Variants in ERC2 observed in about 807,000 individuals in gnomAD.
The protein encoded by ERC2 is ELKS/RAB6-interacting/CAST family member 2, also known as ERC protein 2.
Under a neutral mutation model 114.8 loss-of-function variants are expected in ERC2, and 42 were observed. The ratio of observed to expected loss-of-function variants is 0.37; its 90% CI spans 0.29 to 0.47. The LOEUF is 0.47. ERC2 is among the 20% of genes least tolerant of loss of function. The probability of loss-of-function intolerance (pLI) is 0.99; values close to 1 mark genes in which losing one functional copy is unlikely to be tolerated. For missense variants in ERC2, 939 were observed against 1,150.7 expected, an observed-to-expected ratio of 0.82 and a Z score of 2.66; for synonymous variants, 454 against 425.5, an observed-to-expected ratio of 1.07 and a Z score of -0.82.
At chr3:56,021,961 C>A (rs184568810) in intron 7 of ERC2, among the ~76,000 whole-genome samples, 3 of 152,216 alleles carry the variant, frequency 2.0e-5, no homozygotes, top group Admixed American at 2.0e-4. Flanking sequence ...TTTTCTTTAT[C>A]CAGTCTGTCA....
intron 17 of ERC2, among the ~76,000 whole-genome samples, chr3:55,589,301 T>A (rs1387169061): frequency 7.3e-5 from 11 of 151,582 alleles, no homozygotes; most frequent in African/African-American, 2.4e-4. Flanking sequence ...AAAAACCATG[T>A]GCTTAGAGCA....
At chr3:55,970,771 T>C (rs1372969660) in intron 12 of ERC2, among the ~76,000 whole-genome samples, 1 of 152,310 alleles carries the variant, frequency 6.6e-6, no homozygotes, top group Non-Finnish European at 1.5e-5. Context: ...CACTTTTGAA[T>C]ACAATTTGGC....
intron 3 of ERC2, among the ~76,000 whole-genome samples, chr3:56,287,068 G>C (rs777211088): frequency 2.0e-5 from 3 of 152,136 alleles, no homozygotes; most frequent in Non-Finnish European, 4.4e-5. Context: ...CAACCTACAT[G>C]CCTAACTGGA....
rs528040955 is a variant in ERC2, at chr3:56,011,184, G to T, written c.1780-595C>A. ...AGTGTGTCTGAGGATGTTTACTTCT[G>T]TGTTTTTTCAGTGGTTTCTTGATAG... is the stretch of plus-strand genomic sequence containing the variant. On this transcript the variant is annotated intron_variant, in intron 8 of 17. Coordinates refer to ENST00000288221, the MANE Select transcript of ERC2 (RefSeq NM_015576.3). 6.8e-4 allele frequency among the ~76,000 whole-genome samples: 103 copies of T among 152,366 alleles called. 1 individual carries two copies. In the South Asian group the frequency reaches 7.0e-3, roughly 10 times the overall value.
At chr3:55,825,537 A>G (rs1330693052) in intron 14 of ERC2, among the ~76,000 whole-genome samples, 1 of 152,192 alleles carries the variant, frequency 6.6e-6, no homozygotes, top group Non-Finnish European at 1.5e-5. Flanking sequence ...TCTTCAGTAC[A>G]CAAATATCCA....
Position 55,734,784 on chromosome 3 carries a change from T to C in ERC2, c.2699A>G (p.Gln900Arg), listed in dbSNP as rs2065519067. 6.2e-7 allele frequency: 1 copy of C among 1,611,142 alleles called. No individual in the cohort carries two copies. The highest frequency in any genetic ancestry group is 1.3e-5 in the African/African-American group (1 of 74,908). ...AGGAGGCCCCACCTGCTGCTTTAATTGATGTACTAGTCGGTCTTTTTCCCG... is the reference window on the plus strand; with the variant it reads ...AGGAGGCCCCACCTGCTGCTTTAATCGATGTACTAGTCGGTCTTTTTCCCG... ...LKREKDRLVH[Q>R]LKQQTQNRMK... The change falls in exon 15 of 18, where the codon CAA (glutamine) becomes CGA (arginine). Residue 900 changes from glutamine (Q) to arginine (R), a missense_variant. Physicochemically the swap from Gln to Arg is conservative, Grantham distance 43 (BLOSUM62 1). This residue lies in a region of ERC2 where 328 missense variants were observed against 353.9 expected (regional missense o/e 0.93). Coordinates refer to ENST00000288221, the MANE Select transcript of ERC2 (RefSeq NM_015576.3).
chr3:55,895,354 C>G (rs2149333339), intron 13 of ERC2, among the ~76,000 whole-genome samples: 1 of 152,238 alleles, frequency 6.6e-6, no homozygotes, highest in East Asian at 1.9e-4. Flanking sequence ...GTCTTGGAAC[C>G]CTAGACGTTA....
rs542550064 is a variant in ERC2, at chr3:55,509,056, G to A, written c.*2260C>T. 2.6e-5 allele frequency: 4 copies of A among 152,684 alleles called. No homozygotes were observed. The highest frequency in any genetic ancestry group is 9.6e-5 in the African/African-American group (4 of 41,546). The allele number at this position is 152,684 out of a possible 1,614,324, so 9.5% of individuals were successfully genotyped here. On this transcript the variant is annotated 3_prime_UTR_variant, in exon 18 of 18. Coordinates refer to ENST00000288221, the MANE Select transcript of ERC2 (RefSeq NM_015576.3). ...AACATCAGAGAATATTACACGAAAT[G>A]GGAAAGGTTGTTATGTTAGAGAGAA...
chr3:55,901,624 G>T (rs1039136161), intron 13 of ERC2, among the ~76,000 whole-genome samples: 1 of 152,092 alleles, frequency 6.6e-6, no homozygotes. Flanking sequence ...CCATTTAAGG[G>T]CTCACCTTAA....
chr3:55,763,465 G>C (rs1361092403), intron 14 of ERC2, among the ~76,000 whole-genome samples: 1 of 152,154 alleles, frequency 6.6e-6, no homozygotes, highest in African/African-American at 2.4e-5. Context: ...GATGCATCGG[G>C]TGTGTCTTGC....
chr3:55,695,898 T>G (rs747080698), intron 16 of ERC2, among the ~76,000 whole-genome samples: 1 of 152,204 alleles, frequency 6.6e-6, no homozygotes, highest in Non-Finnish European at 1.5e-5. Flanking sequence ...TGGGGAGCTT[T>G]CTTTCTTATA....
At chr3:56,334,452 G>T (rs1438719166) in intron 2 of ERC2, among the ~76,000 whole-genome samples, 6 of 152,314 alleles carry the variant, frequency 3.9e-5, no homozygotes, top group East Asian at 1.9e-4. Context: ...GCTATGGCGA[G>T]ACCATACATC....
chr3:56,191,909 C>G, intron 3 of ERC2, among the ~76,000 whole-genome samples: 1 of 152,130 alleles, frequency 6.6e-6, no homozygotes, highest in Non-Finnish European at 1.5e-5. Flanking sequence ...TTCCTCCCAT[C>G]CTGTACTTTG....
chr3:56,435,095 TTTCACCGCA>T lies in ERC2; in HGVS notation c.-97_-89del. ...TAATATTTCCACGATTGTCCAGAAT[TTTCACCGCA>T]TTCTTTTCACAGTCCGTACCAGAAA... On this transcript the variant is annotated 5_prime_UTR_variant, in exon 2 of 18. It removes an upstream start codon present in the reference 5' UTR. Transcript: ENST00000288221. 1.0e-6 allele frequency: 1 copy of T among 972,822 alleles called. No homozygotes were observed. Among genetic ancestry groups the T allele is most frequent in the Non-Finnish European group, 1.5e-6 (1 of 671,716 alleles). 60.3% of individuals were successfully genotyped at this position (972,822 alleles called of 1,614,324 possible).
chr3:55,526,962 C>G (rs761351162), intron 17 of ERC2, among the ~76,000 whole-genome samples: 4 of 152,216 alleles, frequency 2.6e-5, no homozygotes, highest in Non-Finnish European at 5.9e-5. Context: ...CAGGAGCACA[C>G]GTGTCTCCAC....
At chr3:55,582,931 C>T (rs1432345843) in intron 17 of ERC2, among the ~76,000 whole-genome samples, 1 of 152,184 alleles carries the variant, frequency 6.6e-6, no homozygotes, top group Non-Finnish European at 1.5e-5. Flanking sequence ...CAATTCTTGC[C>T]AGATAAGTGA....
chr3:55,853,876 T>G (rs1347248073), intron 14 of ERC2, among the ~76,000 whole-genome samples: 1 of 152,142 alleles, frequency 6.6e-6, no homozygotes, highest in East Asian at 1.9e-4. Context: ...TACTTAACAC[T>G]ACTAAGCTGG....
intron 14 of ERC2, among the ~76,000 whole-genome samples, chr3:55,864,212 C>T (rs141256528): frequency 0.099 from 13,317 of 135,128 alleles, 720 homozygotes; most frequent in South Asian, 0.16. Flanking sequence ...TATATACACA[C>T]ATATATACAC....
chr3:56,160,619 T>A (rs1348366371), intron 4 of ERC2, among the ~76,000 whole-genome samples: 1 of 152,210 alleles, frequency 6.6e-6, no homozygotes, highest in Non-Finnish European at 1.5e-5. Context: ...GGTCTTACAT[T>A]TAAATATTTA....
Sources: gnomAD v4.1 joint callset for allele counts (sites outside exome capture counted in the v4.1 genomes callset) on GRCh38, gnomAD v4.1.1 for gene constraint, gnomAD v4.1.1 regional missense constraint, MANE v1.5 for transcripts, NCBI Gene and HGNC (gene_info 2026-07-23, HGNC 2026-07-21) for gene names.